PALS2: variants seen among roughly 807,000 people sequenced by gnomAD.
PALS2 encodes the protein protein associated with LIN7 2, MAGUK p55 family member, also known as protein PALS2.
PALS2 carries 27 observed loss-of-function variants against 61.6 expected under a neutral mutation model. The observed-to-expected ratio is 0.44, with a 90% CI of 0.32 to 0.60. The LOEUF is 0.60. Ranked by LOEUF, PALS2 falls within the 20% of genes least tolerant of loss-of-function variation. The pLI is 0.05. For synonymous variants in PALS2, 236 were observed against 218.6 expected, an observed-to-expected ratio of 1.08 and a Z score of -0.70; for missense variants, 554 against 639.4, an observed-to-expected ratio of 0.87 and a Z score of 1.44.
chr7:24,660,805 C>A (rs1025026719), intron 5 of PALS2, among the ~76,000 whole-genome samples: 1 of 152,172 alleles, frequency 6.6e-6, no homozygotes, highest in African/African-American at 2.4e-5. Context: ...AAATTGTCCT[C>A]CCAAGAGGTT....
rs1786098073 is a variant in PALS2, at chr7:24,650,699, T to C, written c.638T>C (p.Ile213Thr). Residue 213 changes from isoleucine to threonine, a missense_variant, in exon 5 of 12, where the codon ATT (isoleucine) becomes ACT (threonine). Physicochemically the swap from Ile to Thr is moderately conservative, Grantham distance 89. Transcript: ENST00000222644. The part of the protein sequence containing the change: ...LKILPSYRDT[I>T]TPQQVFVKCH... ...ATCTTACCAAGTTATAGAGATACCA[T>C]TACTCCTCAACAGGTTAGTAATAAA... 2 of 1,579,918 alleles carry C rather than the reference T, an allele frequency of 1.3e-6. No homozygotes were observed. Among genetic ancestry groups the C allele is most frequent in the Non-Finnish European group, 1.7e-6 (2 of 1,154,428 alleles).
chr7:24,685,980 A>G (rs1369214400), intron 11 of PALS2, among the ~76,000 whole-genome samples: 1 of 152,114 alleles, frequency 6.6e-6, no homozygotes, highest in Non-Finnish European at 1.5e-5. Context: ...CCTGCTGTAC[A>G]TCTCCACTTG....
chr7:24,692,029 G>A lies in PALS2; in HGVS notation c.*4415G>A, dbSNP rs956613758. ...AGTTCTATAATTTTTTTAAGGTAAG[G>A]TTATTTTTAAATTGCATTTTTGTTC... On this transcript the variant is annotated 3_prime_UTR_variant, in exon 12 of 12. Coordinates refer to ENST00000222644, the MANE Select transcript of PALS2 (RefSeq NM_001303037.2). 1 of 151,974 alleles carries A rather than the reference G, an allele frequency of 6.6e-6. No homozygotes were observed. The highest frequency in any genetic ancestry group is 1.5e-5 in the Non-Finnish European group (1 of 67,938). 9.4% of individuals were successfully genotyped at this position (151,974 alleles called of 1,614,324 possible).
Position 24,641,713 on chromosome 7 carries a change from C to G in PALS2, c.118-3C>G. On this transcript the variant is annotated splice_polypyrimidine_tract_variant and splice_region_variant and intron_variant, in intron 2 of 11. Transcript: ENST00000222644. Reference sequence around the variant, plus strand: ...CTACTTTAATATACTCTTATTTTTTCAGGCTCATGAGAGGCTAGAAGATTC... The same window carrying G: ...CTACTTTAATATACTCTTATTTTTTGAGGCTCATGAGAGGCTAGAAGATTC... 1 of 1,585,848 alleles carries G rather than the reference C, an allele frequency of 6.3e-7. No homozygotes were observed. The highest frequency in any genetic ancestry group is 2.2e-5 in the East Asian group (1 of 44,516).
chr7:24,648,787 C>T (rs1785979820), intron 3 of PALS2, among the ~76,000 whole-genome samples: 1 of 151,670 alleles, frequency 6.6e-6, no homozygotes, highest in South Asian at 2.1e-4. Context: ...CGCCTGTAGT[C>T]CCAGCTACTT....
intron 5 of PALS2, among the ~76,000 whole-genome samples, chr7:24,651,001 A>G (rs1290279247): frequency 1.3e-5 from 2 of 152,190 alleles, no homozygotes; most frequent in African/African-American, 2.4e-5. Flanking sequence ...TTACTAATCT[A>G]GTAAACATTT....
At chr7:24,625,816 G>T (rs959355009) in intron 2 of PALS2, among the ~76,000 whole-genome samples, 1 of 152,080 alleles carries the variant, frequency 6.6e-6, no homozygotes, top group Non-Finnish European at 1.5e-5. Flanking sequence ...CATTCAGGCA[G>T]ATTCTTAATA....
At chr7:24,603,650 C>T (rs536931946) in intron 1 of PALS2, among the ~76,000 whole-genome samples, 2 of 152,298 alleles carry the variant, frequency 1.3e-5, no homozygotes, top group South Asian at 4.2e-4. Flanking sequence ...GATTTGTCCA[C>T]AACATTGGCT....
At chr7:24,614,257 A>C (rs1040466824) in intron 1 of PALS2, among the ~76,000 whole-genome samples, 1 of 151,444 alleles carries the variant, frequency 6.6e-6, no homozygotes, top group Non-Finnish European at 1.5e-5. Flanking sequence ...ATTTATTCTT[A>C]GGGTTTTTTT....
chr7:24,683,620 C>T (rs866954992), intron 11 of PALS2, among the ~76,000 whole-genome samples: 1 of 151,486 alleles, frequency 6.6e-6, no homozygotes, highest in Non-Finnish European at 1.5e-5. Context: ...CTGTTCTAGG[C>T]CAGGAATCAG....
At chr7:24,633,502 T>G (rs1273194815) in intron 2 of PALS2, among the ~76,000 whole-genome samples, 1 of 142,242 alleles carries the variant, frequency 7.0e-6, no homozygotes, top group East Asian at 2.1e-4. Context: ...ATTTTGTTTT[T>G]TATTTTCTGC....
At position 24,691,406 on chromosome 7, in the gene PALS2, T is replaced by TGTGTAC. The variant is rs1491504349; in HGVS notation, c.*3792_*3793insGTGTAC. 3.1e-3 allele frequency: 128 copies of TGTGTAC among 40,662 alleles called. No individual in the cohort carries two copies. Among genetic ancestry groups the TGTGTAC allele is most frequent in the Non-Finnish European group, 9.6e-3 (103 of 10,720 alleles). The allele number at this position is 40,662 out of a possible 1,614,324, so 2.5% of individuals were successfully genotyped here. ...TATTATGTATGTGTGTGTGTGTGTGTATATATATATATATATATATATATA... is the reference window on the plus strand; with the variant it reads ...TATTATGTATGTGTGTGTGTGTGTGTGTGTACATATATATATATATATATATATATA... On this transcript the variant is annotated 3_prime_UTR_variant, in exon 12 of 12. Transcript: ENST00000222644.
At chr7:24,609,823 T>C (rs531697972) in intron 1 of PALS2, among the ~76,000 whole-genome samples, 4 of 152,140 alleles carry the variant, frequency 2.6e-5, no homozygotes, top group African/African-American at 9.7e-5. Context: ...CTCTTCTATA[T>C]GCGATTCCTT....
chr7:24,625,204 G>A (rs1784690131), intron 2 of PALS2, among the ~76,000 whole-genome samples: 2 of 151,984 alleles, frequency 1.3e-5, no homozygotes, highest in Admixed American at 1.3e-4. Flanking sequence ...GTTTACCTGG[G>A]TTCTTATTGT....
intron 2 of PALS2, among the ~76,000 whole-genome samples, chr7:24,633,484 G>A (rs2529087): frequency 7.2e-6 from 1 of 138,980 alleles, no homozygotes; most frequent in East Asian, 2.0e-4. Flanking sequence ...CCACCCCGAT[G>A]TTTCAGTATT....
Position 24,603,992 on chromosome 7 carries a change from C to T in PALS2, c.-2-19674C>T, listed in dbSNP as rs141985433. On this transcript the variant is annotated intron_variant, in intron 1 of 11. Coordinates refer to ENST00000222644, the MANE Select transcript of PALS2 (RefSeq NM_001303037.2). ...GTCAATAAAACGGACTCTGACTGGG[C>T]TCAGTGTTGGATTTAATGAAGACTT... Among the ~76,000 whole-genome samples the T allele has an allele frequency of 2.7e-4, 41 of 152,076 alleles. No homozygotes were observed. In the East Asian group the frequency reaches 7.1e-3, roughly 27 times the overall value.
At chr7:24,655,793 T>A (rs1225124035) in intron 5 of PALS2, among the ~76,000 whole-genome samples, 1 of 152,038 alleles carries the variant, frequency 6.6e-6, no homozygotes, top group Non-Finnish European at 1.5e-5. Flanking sequence ...TCCAAGAAGC[T>A]GGGACTACAG....
chr7:24,577,571 T>C (rs1176281129), intron 1 of PALS2, among the ~76,000 whole-genome samples: 2 of 152,170 alleles, frequency 1.3e-5, no homozygotes, highest in Non-Finnish European at 2.9e-5. Flanking sequence ...CTTTACCCTC[T>C]TCCTCCACTT....
intron 9 of PALS2, among the ~76,000 whole-genome samples, chr7:24,678,093 A>G (rs1787719312): frequency 6.6e-6 from 1 of 152,244 alleles, no homozygotes; most frequent in African/African-American, 2.4e-5. Context: ...TATCCGATCC[A>G]GCAAAGCCCA....
Sources: gnomAD v4.1 joint callset for allele counts (sites outside exome capture counted in the v4.1 genomes callset) on GRCh38, gnomAD v4.1.1 for gene constraint, MANE v1.5 for transcripts, NCBI Gene and HGNC (gene_info 2026-07-23, HGNC 2026-07-21) for gene names.